ZC3H12B: variants seen among roughly 807,000 people sequenced by gnomAD.
ZC3H12B encodes zinc finger CCCH-type containing 12B.
ZC3H12B carries 7 observed loss-of-function variants against 43.9 expected under a neutral mutation model. The ratio of observed to expected loss-of-function variants is 0.16; its 90% CI spans 0.09 to 0.30. The LOEUF (loss-of-function observed/expected upper bound fraction) is 0.30. ZC3H12B is among the 10% of genes least tolerant of loss of function. The pLI is 1.00. For missense variants in ZC3H12B, 475 were observed against 670.2 expected (o/e 0.71, Z 3.22); for synonymous variants, 222 against 241.7 (o/e 0.92, Z 0.76).
At chrX:65,299,924 C>G in the ZC3H12B span, among the ~76,000 whole-genome samples, 1 of 112,103 alleles carries the variant, frequency 8.9e-6, no homozygotes, top group Admixed American at 9.4e-5. Context: ...AGGATTTGAC[C>G]TTACATAGAG....
chrX:65,186,485 CTG>C, the ZC3H12B span: 1 of 88,885 alleles, frequency 1.1e-5, no homozygotes, highest in Non-Finnish European at 2.1e-5. Context: ...GAGTAAGACT[CTG>C]TGTCAAAAAA....
At chrX:65,057,401 A>T in the ZC3H12B span, among the ~76,000 whole-genome samples, 1 of 111,748 alleles carries the variant, frequency 8.9e-6, no homozygotes, top group South Asian at 3.8e-4. Context: ...AAAAATGTTG[A>T]ATATTGGCCC....
chrX:65,219,425 G>A, the ZC3H12B span, among the ~76,000 whole-genome samples: 1 of 111,351 alleles, frequency 9.0e-6, no homozygotes, highest in African/African-American at 3.3e-5. Flanking sequence ...GATATGAATG[G>A]GGAAAAGTCC....
chrX:65,078,731 T>C, the ZC3H12B span, among the ~76,000 whole-genome samples: 1 of 111,290 alleles, frequency 9.0e-6, no homozygotes, highest in African/African-American at 3.3e-5. Context: ...TTTCTTTTAA[T>C]TTTTAATTTT....
chrX:65,194,196 T>C, the ZC3H12B span, among the ~76,000 whole-genome samples: 1 of 98,247 alleles, frequency 1.0e-5, no homozygotes, highest in African/African-American at 3.7e-5. Context: ...GATTTTGATG[T>C]GTCACATTTC....
chrX:65,277,740 T>C, the ZC3H12B span, among the ~76,000 whole-genome samples: 6 of 111,215 alleles, frequency 5.4e-5, no homozygotes, highest in Admixed American at 5.7e-4. Flanking sequence ...TTTATGGCAA[T>C]AAATTCTCAC....
the ZC3H12B span, among the ~76,000 whole-genome samples, chrX:65,349,992 C>T: frequency 8.9e-6 from 1 of 112,013 alleles, no homozygotes; most frequent in East Asian, 2.8e-4. Context: ...AGGGAATCCT[C>T]CCTAACTCAT....
chrX:65,238,939 G>A, the ZC3H12B span, among the ~76,000 whole-genome samples: 1 of 111,947 alleles, frequency 8.9e-6, no homozygotes, highest in Admixed American at 9.5e-5. Context: ...TTGTGCTGTG[G>A]TCTGAAAGAC....
rs922270387 is a variant in ZC3H12B, at chrX:65,452,987, C to G, written n.408-35659C>G. Among the ~76,000 whole-genome samples the G allele has an allele frequency of 4.5e-5, 5 of 110,221 alleles. No homozygotes were observed. The South Asian group carries it at 1.2e-3, about 26-fold the overall frequency. On this transcript the variant is annotated intron_variant and non_coding_transcript_variant, in intron 3 of 5. Coordinates refer to the ZC3H12B transcript ENST00000617377. ...CAAAATGCCACCATCATTCACAGAA[C>G]TAGAAAAAACAATCCTAAGGCACAG...
chrX:65,388,642 C>T (rs926549286), intron 2 of ZC3H12B, among the ~76,000 whole-genome samples: 1 of 111,981 alleles, frequency 8.9e-6, no homozygotes, highest in Non-Finnish European at 1.9e-5. Context: ...TCTCTCAACT[C>T]GTCAAAGTCA....
chrX:65,251,949 C>T, the ZC3H12B span, among the ~76,000 whole-genome samples: 1 of 111,657 alleles, frequency 9.0e-6, no homozygotes, highest in African/African-American at 3.3e-5. Flanking sequence ...CCTGATTGCC[C>T]TGGCCAGAAC....
the ZC3H12B span, among the ~76,000 whole-genome samples, chrX:65,188,213 T>C: frequency 1.8e-5 from 2 of 111,727 alleles, no homozygotes; most frequent in Admixed American, 1.9e-4. Flanking sequence ...CATCTGTTGA[T>C]GGACACTTAG....
the ZC3H12B span, among the ~76,000 whole-genome samples, chrX:65,264,294 C>A: frequency 9.0e-6 from 1 of 111,286 alleles, no homozygotes; most frequent in East Asian, 2.8e-4. Flanking sequence ...GCACTTATAC[C>A]CAAAAGCTAT....
chrX:65,444,958 T>A (rs1400912761), intron 3 of ZC3H12B, among the ~76,000 whole-genome samples: 5 of 112,241 alleles, frequency 4.5e-5, no homozygotes, highest in African/African-American at 1.6e-4. Flanking sequence ...GCTCACTAAT[T>A]CTTTTTTCCA....
chrX:65,049,984 G>A, the ZC3H12B span, among the ~76,000 whole-genome samples: 1 of 110,914 alleles, frequency 9.0e-6, no homozygotes, highest in African/African-American at 3.3e-5. Flanking sequence ...GGTATGTTAT[G>A]TTTTCATTTT....
chrX:65,153,885 G>A, the ZC3H12B span, among the ~76,000 whole-genome samples: 1 of 110,875 alleles, frequency 9.0e-6, no homozygotes, highest in Non-Finnish European at 1.9e-5. Context: ...ATACACCATG[G>A]AATACTATGC....
At chrX:65,251,788 A>G in the ZC3H12B span, among the ~76,000 whole-genome samples, 1 of 111,521 alleles carries the variant, frequency 9.0e-6, no homozygotes, top group Non-Finnish European at 1.9e-5. Context: ...TTGATTTTGT[A>G]TCCTGAGACT....
At chrX:65,184,296 A>G in the ZC3H12B span, among the ~76,000 whole-genome samples, 5 of 111,191 alleles carry the variant, frequency 4.5e-5, no homozygotes, top group East Asian at 8.4e-4. Context: ...AATGATTACA[A>G]TAGCAACATT....
chrX:65,209,614 T>C, the ZC3H12B span, among the ~76,000 whole-genome samples: 1 of 108,473 alleles, frequency 9.2e-6, no homozygotes, highest in Non-Finnish European at 1.9e-5. Context: ...TGGTCAATTT[T>C]GGAATAGGTG....
Sources: gnomAD v4.1 joint callset for allele counts (sites outside exome capture counted in the v4.1 genomes callset) on GRCh38, gnomAD v4.1.1 for gene constraint, MANE v1.5 for transcripts, NCBI Gene and HGNC (gene_info 2026-07-23, HGNC 2026-07-21) for gene names.